Variants in FGF13 observed in about 807,000 individuals in gnomAD.
FGF13 encodes the protein fibroblast growth factor 13, also known as fibroblast growth factor homologous factor 2.
FGF13 carries 2 observed loss-of-function variants against 19.5 expected under a neutral mutation model. The ratio of observed to expected loss-of-function variants is 0.10; its 90% CI spans 0.04 to 0.32. FGF13 has a LOEUF of 0.32. FGF13 is among the 10% of genes least tolerant of loss of function. The pLI, the probability that FGF13 is intolerant of heterozygous loss-of-function variation, is 1.00. For missense variants in FGF13, 113 were observed against 192.7 expected, an observed-to-expected ratio of 0.59 and a Z score of 2.45; for synonymous variants, 72 against 76.9, an observed-to-expected ratio of 0.94 and a Z score of 0.33.
chrX:138,953,916 C>G (rs1406887764), intron 1 of FGF13, among the ~76,000 whole-genome samples: 1 of 110,628 alleles, frequency 9.0e-6, no homozygotes, highest in Non-Finnish European at 1.9e-5. Context: ...ATAGAAAAGC[C>G]TTTGTCTCTG....
In FGF13 at chrX:139,189,613, C is replaced by T. The variant is rs146008491; in HGVS notation, c.-113+13803G>A. Among the ~76,000 whole-genome samples, 923 of 111,644 alleles carry T rather than the reference C, an allele frequency of 8.3e-3. 10 individuals carry two copies. The highest frequency in any genetic ancestry group is 0.028 in the African/African-American group (863 of 30,724). ...ACAAATAACTATAGTTCCACTTATA[C>T]AAGGTAGCTAAAGTAGTCAAACCCA... On this transcript the variant is annotated intron_variant, in intron 1 of 2. Transcript: ENST00000421460.
intron 3 of FGF13, among the ~76,000 whole-genome samples, chrX:138,787,710 G>GC (rs1288729076): frequency 9.3e-6 from 1 of 107,609 alleles, no homozygotes; most frequent in Non-Finnish European, 1.9e-5. Flanking sequence ...CCCTCCCTTT[G>GC]CCCCCCACCC....
chrX:138,681,304 T>G (rs2089726872), intron 3 of FGF13, among the ~76,000 whole-genome samples: 1 of 112,689 alleles, frequency 8.9e-6, no homozygotes, highest in South Asian at 3.6e-4. Context: ...CACCTTGCAC[T>G]TTTATGTTAC....
At chrX:139,101,072 C>T (rs1020937803) in intron 1 of FGF13, among the ~76,000 whole-genome samples, 1 of 111,098 alleles carries the variant, frequency 9.0e-6, no homozygotes, top group African/African-American at 3.3e-5. Context: ...GACTTATGCC[C>T]ATTTAAATTG....
chrX:138,907,948 AAC>A (rs1483034464), intron 1 of FGF13, among the ~76,000 whole-genome samples: 1 of 111,488 alleles, frequency 9.0e-6, no homozygotes, highest in Non-Finnish European at 1.9e-5. Flanking sequence ...AAAGAAAATG[AAC>A]ACACAGAGAA....
At chrX:138,866,856 T>C (rs2091327134) in intron 1 of FGF13, among the ~76,000 whole-genome samples, 1 of 111,908 alleles carries the variant, frequency 8.9e-6, no homozygotes, top group Non-Finnish European at 1.9e-5. Context: ...CACAGTCACA[T>C]AGTCAGTACT....
rs768881649 is a variant in FGF13 at position 139,143,705 on chromosome X, G to A, written c.-113+59711C>T. 8.1e-5 allele frequency among the ~76,000 whole-genome samples: 9 copies of A among 111,329 alleles called. No homozygotes were observed. The South Asian group carries it at 1.9e-3, about 24-fold the overall frequency. On this transcript the variant is annotated intron_variant, in intron 1 of 2. Coordinates refer to the FGF13 transcript ENST00000421460. The stretch of plus-strand genomic sequence containing the variant: ...GAAGACAAACTAACCTAAATAAGGC[G>A]CTGCTGTTTTAGGTGATGAAGACTG...
At chrX:138,683,940 A>G (rs1364679558) in intron 3 of FGF13, among the ~76,000 whole-genome samples, 1 of 111,486 alleles carries the variant, frequency 9.0e-6, no homozygotes, top group Admixed American at 9.6e-5. Flanking sequence ...GGAAAATAAA[A>G]GAATGCTGTC....
At chrX:138,886,372 T>A (rs1349062697) in intron 1 of FGF13, among the ~76,000 whole-genome samples, 1 of 112,466 alleles carries the variant, frequency 8.9e-6, no homozygotes, top group Non-Finnish European at 1.9e-5. Flanking sequence ...TAATACAGTG[T>A]TTTATGAACA....
intron 3 of FGF13, among the ~76,000 whole-genome samples, chrX:138,824,780 A>G (rs2091022921): frequency 9.0e-6 from 1 of 111,643 alleles, no homozygotes; most frequent in South Asian, 3.7e-4. Flanking sequence ...AGGATTTTCT[A>G]TGTTACAAAG....
At chrX:138,748,426 C>CTA (rs1208964284) in intron 3 of FGF13, among the ~76,000 whole-genome samples, 1 of 111,158 alleles carries the variant, frequency 9.0e-6, no homozygotes, top group African/African-American at 3.3e-5. Context: ...AGAGGAAAGG[C>CTA]TATATATGAG....
chrX:139,030,451 A>G (rs1421376248), intron 1 of FGF13, among the ~76,000 whole-genome samples: 2 of 111,732 alleles, frequency 1.8e-5, no homozygotes, highest in East Asian at 5.7e-4. Flanking sequence ...CATCTGTTTC[A>G]GTTATCTACT....
intron 1 of FGF13, among the ~76,000 whole-genome samples, chrX:139,196,309 AAGTCACCTGGCCAATGAAAGACAC>A (rs1427671333): frequency 7.1e-5 from 8 of 112,056 alleles, no homozygotes; most frequent in Non-Finnish European, 1.1e-4. Context: ...ATGAAAGCCA[AAGTCACCTGGCCAATGAAAGACAC>A]AGTCACCTGG....
rs769292738 is a variant in FGF13 at position 138,670,068 on chromosome X, C to T, written c.402+32916G>A. Among the ~76,000 whole-genome samples, 4 of 111,708 alleles carry T rather than the reference C, an allele frequency of 3.6e-5. 1 individual carries two copies. The South Asian group carries it at 1.1e-3, about 31-fold the overall frequency. On this transcript the variant is annotated intron_variant, in intron 3 of 4. Transcript: ENST00000315930. ...GTCAGCATCAAATTTAACAAAAAAACGTCAAGAATATCAGATTGGTATATT... is the reference window on the plus strand; with the variant it reads ...GTCAGCATCAAATTTAACAAAAAAATGTCAAGAATATCAGATTGGTATATT...
chrX:138,952,905 G>A lies in FGF13; in HGVS notation c.-112-88255C>T, dbSNP rs771551388. Among the ~76,000 whole-genome samples, 34 of 110,184 alleles carry A rather than the reference G, an allele frequency of 3.1e-4. No homozygotes were observed. The South Asian group carries it at 5.9e-3, about 19-fold the overall frequency. ...ACCACCTCACACCAGTTAGAATGGT[G>A]ATCATTAAAAAGTCAGGAAACAACA... On this transcript the variant is annotated intron_variant, in intron 1 of 2. Transcript: ENST00000421460.
intron 1 of FGF13, among the ~76,000 whole-genome samples, chrX:139,136,467 G>A (rs190020595): frequency 1.2e-3 from 135 of 108,600 alleles, no homozygotes; most frequent in African/African-American, 4.2e-3. Context: ...CTGTATCAAT[G>A]TGTTAGGTTC....
intron 1 of FGF13, among the ~76,000 whole-genome samples, chrX:138,938,470 A>G (rs1316929011): frequency 1.2e-4 from 13 of 111,311 alleles, no homozygotes; most frequent in African/African-American, 4.3e-4. Context: ...GCCAAATCAG[A>G]GCAGTTGTAG....
intron 1 of FGF13, among the ~76,000 whole-genome samples, chrX:139,006,222 G>A (rs1032435876): frequency 3.6e-5 from 4 of 111,496 alleles, no homozygotes; most frequent in African/African-American, 1.3e-4. Flanking sequence ...GCTCCAATAC[G>A]TCTGGCAGCA....
At position 138,925,318 on chromosome X, in the gene FGF13, C is replaced by A. The variant is rs140040652; in HGVS notation, c.-112-60668G>T. Among the ~76,000 whole-genome samples the A allele has an allele frequency of 4.8e-3, 537 of 111,461 alleles. 5 individuals are homozygous for A. Among genetic ancestry groups the A allele is most frequent in the African/African-American group, 0.017 (514 of 30,656 alleles). On this transcript the variant is annotated intron_variant, in intron 1 of 2. Transcript: ENST00000421460. ...TTTGACCCCCTACCACTGTCTGACACTTTCTGCCTTACCACCCTGTGTTAT... is the reference window on the plus strand; with the variant it reads ...TTTGACCCCCTACCACTGTCTGACAATTTCTGCCTTACCACCCTGTGTTAT...
Sources: allele counts gnomAD v4.1 joint callset (sites outside exome capture counted in the v4.1 genomes callset), GRCh38; gene constraint gnomAD v4.1.1; transcripts MANE v1.5; gene names NCBI Gene and HGNC (gene_info 2026-07-23, HGNC 2026-07-21).